The following UPB1 variants were observed in gnomAD, a reference collection of about 807,000 sequenced individuals.
UPB1 encodes beta-ureidopropionase 1, also known as beta-ureidopropionase.
In UPB1, 40 loss-of-function variants were observed where a neutral mutation model predicts 49.1. The ratio of observed to expected loss-of-function variants is 0.81; its 90% CI spans 0.63 to 1.06. The LOEUF (loss-of-function observed/expected upper bound fraction) is 1.06. Among genes scored for constraint, UPB1 ranks in the 50% least tolerant of loss-of-function variants. The pLI is 0.00. For synonymous variants in UPB1, 207 were observed against 198.2 expected (o/e 1.04, Z -0.38); for missense variants, 499 against 505.9 (o/e 0.99, Z 0.13).
Position 24,528,330 on chromosome 22 carries a change from G to T in UPB1, c.*2536G>T, listed in dbSNP as rs186606067. The T allele has an allele frequency of 6.6e-6, 1 of 152,324 alleles. No individual in the cohort carries two copies. The highest frequency in any genetic ancestry group is 1.9e-4 in the East Asian group (1 of 5,192). The allele number at this position is 152,324 out of a possible 1,614,324, so 9.4% of individuals were successfully genotyped here. ...AGTATGCAGGCCCTGTACAGCCAAG[G>T]TCATTTCAAGGTTTAACTCATCCCT... On this transcript the variant is annotated 3_prime_UTR_variant, in exon 10 of 10. Coordinates refer to ENST00000326010, the MANE Select transcript of UPB1 (RefSeq NM_016327.3).
At chr22:24,500,662 C>G (rs903352627) in intron 2 of UPB1, among the ~76,000 whole-genome samples, 14 of 152,250 alleles carry the variant, frequency 9.2e-5, no homozygotes, top group African/African-American at 3.4e-4. Flanking sequence ...TCCGTGTGTT[C>G]TTCTGCCTTA....
At chr22:24,510,688 A>T (rs945769903) in intron 3 of UPB1, 61 bp from the exon 4 acceptor site, 3 of 1,552,412 alleles carry the variant, frequency 1.9e-6, no homozygotes, top group Admixed American at 3.3e-5. Flanking sequence ...TGCTGGGCTG[A>T]GGAGCCCCCC....
At chr22:24,514,185 C>A (rs1473024390) in intron 5 of UPB1, among the ~76,000 whole-genome samples, 2 of 152,060 alleles carry the variant, frequency 1.3e-5, no homozygotes, top group Non-Finnish European at 2.9e-5. Flanking sequence ...TGTGATGTCC[C>A]CAGTTCTCTC....
chr22:24,509,361 GAAAAAAAAAAAAAAAAAA>G lies in UPB1; in HGVS notation c.365-1370_365-1353del, dbSNP rs202081655. The stretch of plus-strand genomic sequence containing the variant: ...ATCTGTGTGTATGTACCTACTGTTT[GAAAAAAAAAAAAAAAAAA>G]AAAAAAAAAAAAAAAAAGCAAAAAC... On this transcript the variant is annotated intron_variant, in intron 3 of 9. Transcript: ENST00000326010. Among the ~76,000 whole-genome samples, 840 of 92,150 alleles carry G rather than the reference GAAAAAAAAAAAAAAAAAA, an allele frequency of 9.1e-3. 15 individuals are homozygous for G. The highest frequency in any genetic ancestry group is 0.018 in the South Asian group (39 of 2,224). 60.5% of individuals were successfully genotyped at this position (92,150 alleles called of 152,430 possible). A position where few individuals can be genotyped will look rare whatever the true frequency, so the allele number is the denominator to read the frequency against.
intron 1 of UPB1, among the ~76,000 whole-genome samples, chr22:24,496,847 G>A (rs1052912246): frequency 1.3e-5 from 2 of 152,164 alleles, no homozygotes; most frequent in African/African-American, 2.4e-5. Context: ...AATGTCTAGC[G>A]GGTGAGGACA....
At chr22:24,509,262 C>T (rs898065635) in intron 3 of UPB1, among the ~76,000 whole-genome samples, 1 of 151,378 alleles carries the variant, frequency 6.6e-6, no homozygotes, top group Admixed American at 6.6e-5. Flanking sequence ...CCAGCGGAGT[C>T]CCCTCCATCC....
intron 4 of UPB1, among the ~76,000 whole-genome samples, chr22:24,511,612 A>ATTTTTTTTTTTT (rs201206994): frequency 1.1e-5 from 1 of 90,692 alleles, no homozygotes; most frequent in Non-Finnish European, 2.4e-5. Flanking sequence ...ATATATATAT[A>ATTTTTTTTTTTT]TATATATTTT....
Position 24,526,028 on chromosome 22 carries a change from C to A in UPB1, c.*234C>A. 1.8e-6 allele frequency: 1 copy of A among 562,868 alleles called. No homozygotes were observed. The highest frequency in any genetic ancestry group is 3.2e-6 in the Non-Finnish European group (1 of 313,370). The allele number at this position is 562,868 out of a possible 1,614,324, so 34.9% of individuals were successfully genotyped here. On this transcript the variant is annotated 3_prime_UTR_variant, in exon 10 of 10. Transcript: ENST00000326010. ...TAGGTAGAGGTGAATGTACTAAATGCCACTGAATTTGTATACTTCAGAATG... is the reference window on the plus strand; with the variant it reads ...TAGGTAGAGGTGAATGTACTAAATGACACTGAATTTGTATACTTCAGAATG...
chr22:24,500,197 G>A lies in UPB1; in HGVS notation c.195G>A (p.Gln65=), dbSNP rs2043966772. 2 of 1,614,236 alleles carry A rather than the reference G, an allele frequency of 1.2e-6. No homozygotes were observed. The highest frequency in any genetic ancestry group is 2.2e-5 in the South Asian group (2 of 91,084). The change falls in exon 2 of 10, where the codon CAG becomes CAA. Residue 65 remains glutamine (Q), a synonymous_variant. Transcript: ENST00000326010. ...ATGCCTTTGAAGCAGCGGAGGAGCA[G>A]CTGAGACGACCCCGCATTGTGCACG... is the stretch of plus-strand genomic sequence containing the variant. ...QGYAFEAAEE[Q]LRRPRIVHVG... is the part of the protein sequence containing the mutation.
intron 2 of UPB1, 83 bp downstream of exon 2, chr22:24,500,361 G>A (rs887909892): frequency 1.2e-5 from 19 of 1,583,164 alleles, no homozygotes; most frequent in Admixed American, 3.5e-5. Context: ...CTGGCTGGCC[G>A]CATACTCCGG....
intron 4 of UPB1, among the ~76,000 whole-genome samples, chr22:24,511,618 ATTT>A (rs386395041): frequency 6.5e-5 from 8 of 122,566 alleles, no homozygotes; most frequent in African/African-American, 2.5e-4. Flanking sequence ...ATATATATAT[ATTT>A]TTTTTTTTTT....
chr22:24,502,793 C>A (rs2044017812), intron 3 of UPB1: 1 of 471,206 alleles, frequency 2.1e-6, no homozygotes, highest in Admixed American at 3.8e-5. Context: ...TTGACTTCCC[C>A]CTATGGAAGA....
chr22:24,520,271 C>A, intron 6 of UPB1, 116 bp from the exon 7 acceptor site: 1 of 1,189,958 alleles, frequency 8.4e-7, no homozygotes, highest in Non-Finnish European at 1.2e-6. Flanking sequence ...CCAGGCCAGG[C>A]TCTGTCCCCA....
At chr22:24,508,618 C>A (rs2044135581) in intron 3 of UPB1, among the ~76,000 whole-genome samples, 1 of 150,704 alleles carries the variant, frequency 6.6e-6, no homozygotes, top group Non-Finnish European at 1.5e-5. Flanking sequence ...TAGCTCATGT[C>A]TGTAATCCCA....
At chr22:24,522,484 T>C in intron 8 of UPB1, among the ~76,000 whole-genome samples, 1 of 152,138 alleles carries the variant, frequency 6.6e-6, no homozygotes, top group East Asian at 1.9e-4. Flanking sequence ...CAAGGGCATA[T>C]ACCACCTCAC....
chr22:24,503,433 T>C (rs986681920), intron 3 of UPB1: 3 of 152,262 alleles, frequency 2.0e-5, no homozygotes, highest in South Asian at 2.1e-4. Context: ...TATACCCTTA[T>C]TTTAGTGGAG....
At chr22:24,511,618 A>ATATATATAT (rs1280628896) in intron 4 of UPB1, among the ~76,000 whole-genome samples, 1 of 122,568 alleles carries the variant, frequency 8.2e-6, no homozygotes, top group African/African-American at 3.1e-5. Flanking sequence ...ATATATATAT[A>ATATATATAT]TTTTTTTTTT....
Position 24,513,426 on chromosome 22 carries a change from G to C in UPB1, c.562G>C (p.Gly188Arg). 2 of 1,614,144 alleles carry C rather than the reference G, an allele frequency of 1.2e-6. No homozygotes were observed. Among genetic ancestry groups the C allele is most frequent in the Non-Finnish European group, 1.7e-6 (2 of 1,180,034 alleles). Residue 188 changes from glycine to arginine, a missense_variant, in exon 5 of 10, where the codon GGA becomes CGA. Coordinates refer to ENST00000326010, the MANE Select transcript of UPB1 (RefSeq NM_016327.3). ...WNTAVVISNS[G>R]AVLGKTRKNH... ...TACAGCCGTGGTGATCTCCAATTCC[G>C]GAGCAGTCCTGGGAAAGACCAGGAA...
chr22:24,515,403 T>G, intron 6 of UPB1, 33 bp downstream of exon 6: 1 of 1,613,804 alleles, frequency 6.2e-7, no homozygotes, highest in Non-Finnish European at 8.5e-7. Context: ...GGGGGCTTCC[T>G]GGGGCCCAGC....
Sources: allele counts gnomAD v4.1 joint callset (sites outside exome capture counted in the v4.1 genomes callset), GRCh38; gene constraint gnomAD v4.1.1; transcripts MANE v1.5; gene names NCBI Gene and HGNC (gene_info 2026-07-23, HGNC 2026-07-21).